IMMP2L: variants seen among roughly 807,000 people sequenced by gnomAD.
IMMP2L encodes the protein mitochondrial inner membrane protease subunit 2.
A neutral mutation model predicts 19.3 loss-of-function variants in IMMP2L; 18 were observed. The observed-to-expected ratio is 0.93, with a 90% confidence interval of 0.64 to 1.38. The LOEUF (loss-of-function observed/expected upper bound fraction) is 1.38. Among genes scored for constraint, IMMP2L ranks in the 40% most tolerant of loss-of-function variants. The probability of loss-of-function intolerance (pLI) is 0.00; values close to 1 mark genes in which losing one functional copy is unlikely to be tolerated. For missense variants in IMMP2L, 233 were observed against 218.2 expected, an observed-to-expected ratio of 1.07 and a Z score of -0.43; for synonymous variants, 76 against 73.0, an observed-to-expected ratio of 1.04 and a Z score of -0.21.
chr7:110,969,982 G>A (rs1819966218), intron 3 of IMMP2L, among the ~76,000 whole-genome samples: 1 of 152,100 alleles, frequency 6.6e-6, no homozygotes, highest in African/African-American at 2.4e-5. Context: ...GAACTTTAAA[G>A]AACTGAACTG....
At chr7:110,762,587 CT>C (rs1315998544) in intron 5 of IMMP2L, among the ~76,000 whole-genome samples, 1 of 152,114 alleles carries the variant, frequency 6.6e-6, no homozygotes, top group Non-Finnish European at 1.5e-5. Context: ...CCTTCTTGAC[CT>C]CTTCACAAGC....
chr7:111,493,699 C>T (rs1405979968), intron 2 of IMMP2L, among the ~76,000 whole-genome samples: 1 of 137,988 alleles, frequency 7.2e-6, no homozygotes, highest in Non-Finnish European at 1.5e-5. Flanking sequence ...AGCAAGACTC[C>T]GTCTCAAAAA....
At chr7:111,401,667 T>C (rs1027519871) in intron 3 of IMMP2L, among the ~76,000 whole-genome samples, 21 of 152,082 alleles carry the variant, frequency 1.4e-4, no homozygotes, top group African/African-American at 4.6e-4. Context: ...CTTTAAATAT[T>C]CACGAAGTCT....
chr7:111,231,300 T>A (rs1029430589), intron 3 of IMMP2L, among the ~76,000 whole-genome samples: 1 of 151,986 alleles, frequency 6.6e-6, no homozygotes, highest in African/African-American at 2.4e-5. Flanking sequence ...ATACTTTTTA[T>A]GAAATGAAAA....
intron 3 of IMMP2L, among the ~76,000 whole-genome samples, chr7:110,979,047 T>C (rs1820981666): frequency 6.6e-6 from 1 of 152,118 alleles, no homozygotes; most frequent in African/African-American, 2.4e-5. Flanking sequence ...CATTAGCATT[T>C]TAAGGTTGAC....
chr7:111,042,024 G>A (rs1400015242), intron 3 of IMMP2L, among the ~76,000 whole-genome samples: 6 of 152,136 alleles, frequency 3.9e-5, no homozygotes, highest in Admixed American at 1.3e-4. Flanking sequence ...TTTGAATGGA[G>A]ACTGGCATAT....
chr7:111,557,107 T>G (rs985169429), intron 1 of IMMP2L, among the ~76,000 whole-genome samples: 2 of 152,142 alleles, frequency 1.3e-5, no homozygotes, highest in African/African-American at 4.8e-5. Flanking sequence ...TTACTTTTCC[T>G]AAACATTCTC....
intron 3 of IMMP2L, among the ~76,000 whole-genome samples, chr7:111,338,340 T>A (rs1299051585): frequency 1.3e-5 from 2 of 152,032 alleles, no homozygotes; most frequent in Non-Finnish European, 2.9e-5. Context: ...CCCCCTTTTT[T>A]TGCTATGAAT....
intron 1 of IMMP2L, among the ~76,000 whole-genome samples, chr7:111,542,415 C>T (rs1848577403): frequency 6.6e-6 from 1 of 151,932 alleles, no homozygotes; most frequent in Non-Finnish European, 1.5e-5. Context: ...CTACATTAAC[C>T]TTATTTTTAT....
At chr7:111,441,348 C>A (rs192032052) in intron 3 of IMMP2L, among the ~76,000 whole-genome samples, 2 of 151,774 alleles carry the variant, frequency 1.3e-5, no homozygotes, top group Non-Finnish European at 2.9e-5. Flanking sequence ...TTTACTTGCA[C>A]ACTTGCCATT....
rs1229952586 is a variant in IMMP2L at position 110,712,578 on chromosome 7, C to A, written c.409-48857G>T. Among the ~76,000 whole-genome samples, 8 of 28,664 alleles carry A rather than the reference C, an allele frequency of 2.8e-4. 1 individual carries two copies. In the South Asian group the frequency reaches 3.8e-3, roughly 14 times the overall value. 18.8% of individuals were successfully genotyped at this position (28,664 alleles called of 152,430 possible). A position where few individuals can be genotyped will look rare whatever the true frequency, so the allele number is the denominator to read the frequency against. ...CGGCTGCTTTGTTTACCTAAGCAAG[C>A]CTGGGCAACGGCGGGCGCCCCTCCC... On this transcript the variant is annotated intron_variant, in intron 5 of 5. Coordinates refer to ENST00000405709, the MANE Select transcript of IMMP2L (RefSeq NM_032549.4).
chr7:111,157,365 A>G (rs1385980684), intron 3 of IMMP2L, among the ~76,000 whole-genome samples: 2 of 152,168 alleles, frequency 1.3e-5, no homozygotes, highest in Non-Finnish European at 1.5e-5. Context: ...AAAATGTGGT[A>G]CCTATACACA....
chr7:111,557,161 CCT>C (rs1791461571), intron 1 of IMMP2L, among the ~76,000 whole-genome samples: 2 of 152,194 alleles, frequency 1.3e-5, no homozygotes, highest in African/African-American at 4.8e-5. Context: ...AAGCTTTCAA[CCT>C]CTCTTATCCC....
intron 1 of IMMP2L, chr7:111,532,686 A>G (rs1298277296): frequency 6.6e-6 from 1 of 152,186 alleles, no homozygotes; most frequent in Non-Finnish European, 1.5e-5. Context: ...AGGGACTATT[A>G]CTACTCTTTA....
chr7:111,083,138 G>C (rs890976734), intron 3 of IMMP2L, among the ~76,000 whole-genome samples: 1 of 152,048 alleles, frequency 6.6e-6, no homozygotes, highest in Non-Finnish European at 1.5e-5. Context: ...TATGTGTATC[G>C]ATCCATTTTG....
At chr7:111,022,693 T>C (rs1357462884) in intron 3 of IMMP2L, among the ~76,000 whole-genome samples, 1 of 152,144 alleles carries the variant, frequency 6.6e-6, no homozygotes. Flanking sequence ...ATGATCTATA[T>C]CCTATAGCTT....
At chr7:111,160,569 G>C (rs1805145159) in intron 3 of IMMP2L, among the ~76,000 whole-genome samples, 1 of 151,760 alleles carries the variant, frequency 6.6e-6, no homozygotes, top group Non-Finnish European at 1.5e-5. Flanking sequence ...AGTACTCTCT[G>C]TTAAAAGTTT....
chr7:111,470,438 G>A (rs1841137003), intron 3 of IMMP2L, among the ~76,000 whole-genome samples: 1 of 151,866 alleles, frequency 6.6e-6, no homozygotes, highest in Admixed American at 6.6e-5. Flanking sequence ...GTTTATTGTG[G>A]CACTATTCAC....
intron 3 of IMMP2L, among the ~76,000 whole-genome samples, chr7:111,169,260 G>C (rs930977774): frequency 6.6e-6 from 1 of 151,754 alleles, no homozygotes; most frequent in Non-Finnish European, 1.5e-5. Context: ...GTTACCTCTT[G>C]ATCCCAATTC....
Sources: allele counts gnomAD v4.1 joint callset (sites outside exome capture counted in the v4.1 genomes callset), GRCh38; gene constraint gnomAD v4.1.1; transcripts MANE v1.5; gene names NCBI Gene and HGNC (gene_info 2026-07-23, HGNC 2026-07-21).